The following FOXP2 variants were observed in gnomAD, a reference collection of about 807,000 sequenced individuals.
The protein encoded by FOXP2 is forkhead box protein P2.
Under a neutral mutation model 115.8 loss-of-function variants are expected in FOXP2, and 12 were observed. That is an observed-to-expected ratio of 0.10 (90% CI 0.07 to 0.17). FOXP2 has a LOEUF of 0.17. Among genes scored for constraint, FOXP2 ranks in the 10% least tolerant of loss-of-function variants. The pLI, the probability that FOXP2 is intolerant of heterozygous loss-of-function variation, is 1.00. For missense variants in FOXP2, 629 were observed against 843.5 expected, an observed-to-expected ratio of 0.75 and a Z score of 3.15; for synonymous variants, 328 against 297.7, an observed-to-expected ratio of 1.10 and a Z score of -1.05.
At chr7:114,634,663 TAGAA>T (rs1324339163) in intron 6 of FOXP2, among the ~76,000 whole-genome samples, 1 of 151,914 alleles carries the variant, frequency 6.6e-6, no homozygotes, top group Non-Finnish European at 1.5e-5. Flanking sequence ...ATATGTCAAA[TAGAA>T]AGGATGGATT....
In FOXP2 at chr7:114,277,779, C is replaced by T. The variant is rs150079438; in HGVS notation, c.-101-10240C>T. ...ATTTGATTAAAAAAGCAGAAAGAGG[C>T]GGAGGTGGATGGATCACTTGAGGTC... On this transcript the variant is annotated intron_variant, in intron 1 of 17. Coordinates refer to the FOXP2 transcript ENST00000634411. 7.4e-3 allele frequency among the ~76,000 whole-genome samples: 1,125 copies of T among 151,774 alleles called. 7 individuals carry two copies. The highest frequency in any genetic ancestry group is 0.012 in the Non-Finnish European group (829 of 67,936).
chr7:114,601,930 A>T (rs951503053), intron 3 of FOXP2, among the ~76,000 whole-genome samples: 5 of 152,062 alleles, frequency 3.3e-5, no homozygotes, highest in Non-Finnish European at 5.9e-5. Context: ...CCATCATTTT[A>T]TACAGCACTT....
intron 1 of FOXP2, among the ~76,000 whole-genome samples, chr7:114,172,520 A>C (rs1472557894): frequency 6.6e-6 from 1 of 152,136 alleles, no homozygotes; most frequent in African/African-American, 2.4e-5. Context: ...GTTAATGGTA[A>C]TGTATCAGTT....
At chr7:114,384,338 C>T (rs928493069) in intron 2 of FOXP2, among the ~76,000 whole-genome samples, 17 of 152,174 alleles carry the variant, frequency 1.1e-4, no homozygotes, top group African/African-American at 3.4e-4. Flanking sequence ...TATGCAAATT[C>T]ATTTCAGAGA....
chr7:114,628,686 G>C lies in FOXP2; in HGVS notation c.396+9G>C, dbSNP rs374479957. The C allele has an allele frequency of 5.8e-5, 94 of 1,613,842 alleles. No individual in the cohort carries two copies. In the African/African-American group the frequency reaches 1.1e-3, roughly 19 times the overall value. ...CTGTCATGCTGCAGCAGGTAATGTG[G>C]GTTACCTGCTTTGGTGTTCTAGCAT... On this transcript the variant is annotated intron_variant, in intron 4 of 16. Transcript: ENST00000350908.
chr7:114,178,952 A>G (rs1450000977), intron 1 of FOXP2, among the ~76,000 whole-genome samples: 3 of 151,944 alleles, frequency 2.0e-5, no homozygotes, highest in Non-Finnish European at 4.4e-5. Flanking sequence ...TGTATTTTGA[A>G]TGAACAAAAC....
At chr7:114,449,787 A>G (rs1435181170) in intron 2 of FOXP2, among the ~76,000 whole-genome samples, 2 of 152,132 alleles carry the variant, frequency 1.3e-5, no homozygotes, top group Non-Finnish European at 2.9e-5. Flanking sequence ...AAATTGCTAT[A>G]TGCATATCTA....
At chr7:114,330,523 C>T (rs1329647253) in intron 2 of FOXP2, among the ~76,000 whole-genome samples, 2 of 149,104 alleles carry the variant, frequency 1.3e-5, no homozygotes, top group African/African-American at 2.5e-5. Flanking sequence ...TGTACACACA[C>T]ACAATTTTTA....
intron 2 of FOXP2, among the ~76,000 whole-genome samples, chr7:114,459,711 A>AGGT (rs1795477230): frequency 6.6e-6 from 1 of 151,930 alleles, no homozygotes. Flanking sequence ...CATCTCCCGG[A>AGGT]TTTAAGCAAT....
chr7:114,149,084 T>G (rs1457729573), intron 1 of FOXP2, among the ~76,000 whole-genome samples: 1 of 152,148 alleles, frequency 6.6e-6, no homozygotes, highest in Non-Finnish European at 1.5e-5. Context: ...TTTTGAATGA[T>G]TAAGCACTGG....
chr7:114,446,077 AGT>A (rs922472423), intron 2 of FOXP2, among the ~76,000 whole-genome samples: 2 of 124,754 alleles, frequency 1.6e-5, no homozygotes, highest in African/African-American at 2.7e-5. Flanking sequence ...AGATATCATA[AGT>A]CTGATATTTT....
chr7:114,294,406 C>A (rs151329415), intron 2 of FOXP2, among the ~76,000 whole-genome samples: 1 of 152,008 alleles, frequency 6.6e-6, no homozygotes, highest in Non-Finnish European at 1.5e-5. Context: ...TAGAGTCACA[C>A]GGAAGTATCT....
chr7:114,177,577 T>G (rs1429289284), intron 1 of FOXP2, among the ~76,000 whole-genome samples: 1 of 152,128 alleles, frequency 6.6e-6, no homozygotes, highest in Non-Finnish European at 1.5e-5. Flanking sequence ...TCTATTTATA[T>G]ATGGTTTTGT....
intron 2 of FOXP2, among the ~76,000 whole-genome samples, chr7:114,517,056 G>T (rs533276402): frequency 1.1e-4 from 16 of 151,774 alleles, no homozygotes; most frequent in Non-Finnish European, 1.8e-4. Context: ...ACAGATGTGA[G>T]ATGATACCTC....
chr7:114,091,315 A>T (rs992228429), intron 1 of FOXP2, among the ~76,000 whole-genome samples: 1 of 151,836 alleles, frequency 6.6e-6, no homozygotes. Flanking sequence ...GAGAAGATTT[A>T]GATTTCTTAC....
At chr7:114,093,349 T>C (rs146782874) in intron 1 of FOXP2, among the ~76,000 whole-genome samples, 392 of 152,294 alleles carry the variant, frequency 2.6e-3, no homozygotes, top group African/African-American at 8.6e-3. Flanking sequence ...TCCTCATGGA[T>C]CACTCTACCT....
At chr7:114,226,206 T>A (rs2129164935) in intron 1 of FOXP2, among the ~76,000 whole-genome samples, 1 of 152,332 alleles carries the variant, frequency 6.6e-6, no homozygotes, top group East Asian at 1.9e-4. Flanking sequence ...GAACCAATCT[T>A]AATAAATTCT....
At chr7:114,293,616 A>G (rs944162897) in intron 2 of FOXP2, among the ~76,000 whole-genome samples, 3 of 152,184 alleles carry the variant, frequency 2.0e-5, no homozygotes, top group Non-Finnish European at 4.4e-5. Flanking sequence ...GGTGGAGATA[A>G]GTGAATCATG....
intron 10 of FOXP2, 113 bp from the exon 11 acceptor site, chr7:114,657,953 C>T: frequency 1.8e-6 from 2 of 1,117,718 alleles, no homozygotes; most frequent in Non-Finnish European, 2.7e-6. Flanking sequence ...CCTTTTGCAG[C>T]TTATTAGTGG....
Sources: allele counts gnomAD v4.1 joint callset (sites outside exome capture counted in the v4.1 genomes callset), GRCh38; gene constraint gnomAD v4.1.1; transcripts MANE v1.5; gene names NCBI Gene and HGNC (gene_info 2026-07-23, HGNC 2026-07-21).